The following MOV10 variants were observed in gnomAD, a reference collection of about 807,000 sequenced individuals.
The protein encoded by MOV10 is Mov10 RNA helicase, also known as RNA helicase MOV-10.
A neutral mutation model predicts 108.4 loss-of-function variants in MOV10; 39 were observed. That is an observed-to-expected ratio of 0.36 (90% CI 0.28 to 0.47). The LOEUF (loss-of-function observed/expected upper bound fraction) is 0.47, where lower values mean the gene tolerates loss of function less well. Among genes scored for constraint, MOV10 ranks in the 20% least tolerant of loss-of-function variants. The pLI, the probability that MOV10 is intolerant of heterozygous loss-of-function variation, is 1.00. For synonymous variants in MOV10, 490 were observed against 523.1 expected (o/e 0.94, Z 0.86); for missense variants, 952 against 1,297.6 (o/e 0.73, Z 4.09).
At chr1:112,690,924 C>T (rs1450633050) in intron 5 of MOV10, among the ~76,000 whole-genome samples, 4 of 152,142 alleles carry the variant, frequency 2.6e-5, no homozygotes, top group Middle Eastern at 3.2e-3. Flanking sequence ...TGGATGGAAG[C>T]GTAGGATATG....
Position 112,700,563 on chromosome 1 carries a change from T to G in MOV10, c.*56T>G. The G allele has an allele frequency of 6.2e-7, 1 of 1,600,238 alleles. No individual in the cohort carries two copies. The highest frequency in any genetic ancestry group is 8.5e-7 in the Non-Finnish European group (1 of 1,173,136). ...CAAGCCTTAACTGCCTGCCTGACCC[T>G]GAACCAGAACCCAGCTGAACTGCCC... On this transcript the variant is annotated 3_prime_UTR_variant, in exon 21 of 21. Transcript: ENST00000369645.
chr1:112,684,390 C>T (rs918876196), intron 2 of MOV10, among the ~76,000 whole-genome samples: 1 of 151,840 alleles, frequency 6.6e-6, no homozygotes, highest in South Asian at 2.1e-4. Context: ...GCCTCAGCCT[C>T]CTGAGTAGCT....
At position 112,694,669 on chromosome 1, in the gene MOV10, T is replaced by G; in HGVS notation, c.1472+40T>G. The G allele has an allele frequency of 6.3e-7, 1 of 1,591,820 alleles. No homozygotes were observed. Among genetic ancestry groups the G allele is most frequent in the Non-Finnish European group, 8.6e-7 (1 of 1,167,008 alleles). On this transcript the variant is annotated intron_variant, in intron 9 of 20. Coordinates refer to ENST00000369645, the MANE Select transcript of MOV10 (RefSeq NM_001321324.2). The surrounding 1 kb of genome is among the most constrained non-coding windows in gnomAD (Gnocchi z 4.1). ...AGGGAGCTTCTGGAGCCACTTGGAG[T>G]GTGGGCACAGGGGGTGGAGTCAGGG...
At chr1:112,690,195 T>C (rs956867381) in intron 5 of MOV10, 97 bp downstream of exon 5, 2 of 1,449,600 alleles carry the variant, frequency 1.4e-6, no homozygotes, top group African/African-American at 2.9e-5. Flanking sequence ...CCAGAGCCCT[T>C]TTCCTACAGG....
intron 7 of MOV10, 119 bp downstream of exon 7, chr1:112,693,048 G>A: frequency 1.0e-6 from 1 of 977,682 alleles, no homozygotes; most frequent in Non-Finnish European, 1.5e-6. Flanking sequence ...GGTTCCCAGG[G>A]CTCCGCAAGA....
At position 112,677,370 on chromosome 1, in the gene MOV10, G is replaced by GCCT. The variant is rs1272402592; in HGVS notation, c.137+2321_137+2322insCCT. ...CCCGCTCTGTACCCTCATCATGTTGGGGAAATGTATGTTCAGATTAAAGAA... is the reference window on the plus strand; with the variant it reads ...CCCGCTCTGTACCCTCATCATGTTGGCCTGGAAATGTATGTTCAGATTAAAGAA... On this transcript the variant is annotated intron_variant, in intron 2 of 20. Transcript: ENST00000369645. 2.0e-3 allele frequency among the ~76,000 whole-genome samples: 298 copies of GCCT among 152,190 alleles called. 1 individual carries two copies. The highest frequency in any genetic ancestry group is 6.1e-3 in the African/African-American group (255 of 41,470).
At position 112,700,730 on chromosome 1, in the gene MOV10, CT is replaced by C; in HGVS notation, c.*224del. The C allele has an allele frequency of 6.6e-7, 1 of 1,507,434 alleles. No individual in the cohort carries two copies. 93.4% of individuals were successfully genotyped at this position (1,507,434 alleles called of 1,614,324 possible). On this transcript the variant is annotated 3_prime_UTR_variant, in exon 21 of 21. Coordinates refer to ENST00000369645, the MANE Select transcript of MOV10 (RefSeq NM_001321324.2). ...AAAACTCTGAAAACAAAATCTTGTT[CT>C]ATGCAAAAGCCTTGATAATGTCTCC...
Position 112,689,374 on chromosome 1 carries a change from C to T in MOV10, c.342-41C>T, listed in dbSNP as rs570416565. 34 of 1,439,318 alleles carry T rather than the reference C, an allele frequency of 2.4e-5. No individual in the cohort carries two copies. In the East Asian group the frequency reaches 4.5e-4, roughly 19 times the overall value. The allele number at this position is 1,439,318 out of a possible 1,614,324, so 89.2% of individuals were successfully genotyped here. ...CCCCAGGGTAACTCCCCAGTCAGAC[C>T]GCTCCCACCCCAACCCCCCCTTGAC... On this transcript the variant is annotated intron_variant, in intron 3 of 20. Coordinates refer to ENST00000369645, the MANE Select transcript of MOV10 (RefSeq NM_001321324.2).
Position 112,695,398 on chromosome 1 carries a change from C to T in MOV10, c.1621-18C>T, listed in dbSNP as rs375961700. ...TCTCAGGAACCTGCCTCCCACACTG[C>T]GCTTATCTGCATCTCAGGTGGTGAA... On this transcript the variant is annotated intron_variant, in intron 10 of 20. Transcript: ENST00000369645. 2.5e-5 allele frequency: 40 copies of T among 1,612,516 alleles called. No individual in the cohort carries two copies. Among genetic ancestry groups the T allele is most frequent in the South Asian group, 5.5e-5 (5 of 90,826 alleles).
intron 3 of MOV10, 92 bp downstream of exon 3, chr1:112,689,230 G>A: frequency 7.4e-7 from 1 of 1,354,880 alleles, no homozygotes; most frequent in East Asian, 2.5e-5. Flanking sequence ...GGTTACACAA[G>A]TGGGAATAAG....
In MOV10 at chr1:112,699,774, T is replaced by G; in HGVS notation, c.2673T>G (p.Asp891Glu). 3 of 1,614,210 alleles carry G rather than the reference T, an allele frequency of 1.9e-6. No homozygotes were observed. In the South Asian group the frequency reaches 3.3e-5, roughly 18 times the overall value. The change falls in exon 18 of 21, where the codon GAT becomes GAG. Residue 891 changes from aspartate (D) to glutamate (E), a missense_variant. This residue lies in a region of MOV10 where 65 missense variants were observed against 124.3 expected (regional missense o/e 0.52). Transcript: ENST00000369645. ...VRSSQSFVQL[D>E]LDFNLGFLKN... The stretch of plus-strand genomic sequence containing the variant: ...GCAGCCAGAGCTTTGTGCAGCTGGA[T>G]CTGGACTTTAATCTGGGTTTCCTTA...
chr1:112,696,002 A>G, intron 11 of MOV10, 146 bp from the exon 12 acceptor site: 2 of 664,956 alleles, frequency 3.0e-6, no homozygotes, highest in South Asian at 1.9e-5. Flanking sequence ...AGATCACACC[A>G]TGGCACTCCA....
At chr1:112,688,587 CCAAA>C (rs1175975630) in intron 2 of MOV10, 19 of 1,189,926 alleles carry the variant, frequency 1.6e-5, no homozygotes, top group Non-Finnish European at 1.9e-5. Context: ...CTTTTCTGTC[CCAAA>C]CAGTTTCCCC....
chr1:112,692,732 C>T, intron 6 of MOV10, 29 bp from the exon 7 acceptor site: 2 of 1,611,992 alleles, frequency 1.2e-6, no homozygotes, highest in Non-Finnish European at 1.7e-6. Context: ...TTCCTGCCCC[C>T]ACTCACCCCT....
Position 112,699,932 on chromosome 1 carries a change from C to T in MOV10, c.2748C>T (p.Leu916=). The T allele has an allele frequency of 6.2e-7, 1 of 1,614,206 alleles. No individual in the cohort carries two copies. The change falls in exon 19 of 21, where the codon CTC becomes CTT. Residue 916 remains leucine, a synonymous_variant. Transcript: ENST00000369645. ...CTGTGACCCGGGCCAAGGCCCTGCTCATCATCGTGGGGAACCCCCTTCTCC... is the reference window on the plus strand; with the variant it reads ...CTGTGACCCGGGCCAAGGCCCTGCTTATCATCGTGGGGAACCCCCTTCTCC... ...NVAVTRAKAL[L]IIVGNPLLLG...
At position 112,699,789 on chromosome 1, in the gene MOV10, G is replaced by C; in HGVS notation, c.2688G>C (p.Leu896=). Residue 896 remains leucine (L), a synonymous_variant, in exon 18 of 21, where the codon CTG becomes CTC. Coordinates refer to ENST00000369645, the MANE Select transcript of MOV10 (RefSeq NM_001321324.2). Reference sequence around the variant, plus strand: ...TGCAGCTGGATCTGGACTTTAATCTGGGTTTCCTTAAGAACCCCAAGGTTT... The same window carrying C: ...TGCAGCTGGATCTGGACTTTAATCTCGGTTTCCTTAAGAACCCCAAGGTTT... ...SFVQLDLDFN[L]GFLKNPKRFN... 3 of 1,614,232 alleles carry C rather than the reference G, an allele frequency of 1.9e-6. No homozygotes were observed. The highest frequency in any genetic ancestry group is 2.5e-6 in the Non-Finnish European group (3 of 1,180,038).
intron 2 of MOV10, among the ~76,000 whole-genome samples, chr1:112,681,049 T>A (rs1672610031): frequency 1.3e-5 from 2 of 152,078 alleles, no homozygotes. Context: ...TACATAAGTT[T>A]ACACACGTGG....
intron 4 of MOV10, 38 bp downstream of exon 4, chr1:112,689,688 G>T (rs1306202002): frequency 6.2e-7 from 1 of 1,602,922 alleles, no homozygotes; most frequent in Non-Finnish European, 8.5e-7. Context: ...GGTGGACAGG[G>T]GCTTGTCCCA....
At chr1:112,696,014 C>G (rs1319551765) in intron 11 of MOV10, 134 bp from the exon 12 acceptor site, 1 of 695,586 alleles carries the variant, frequency 1.4e-6, no homozygotes, top group African/African-American at 1.8e-5. Flanking sequence ...GGCACTCCAG[C>G]CTGGGGGACA....
Sources: allele counts gnomAD v4.1 joint callset (sites outside exome capture counted in the v4.1 genomes callset), GRCh38; gene constraint gnomAD v4.1.1; regional missense constraint gnomAD v4.1.1; non-coding constraint Gnocchi (gnomAD v3.1); transcripts MANE v1.5; gene names NCBI Gene and HGNC (gene_info 2026-07-23, HGNC 2026-07-21).